The following HEPH variants were observed in gnomAD, a reference collection of about 807,000 sequenced individuals.
The protein encoded by HEPH is hephaestin.
A neutral mutation model predicts 80.8 loss-of-function variants in HEPH; 69 were observed. The ratio of observed to expected loss-of-function variants is 0.85; its 90% CI spans 0.70 to 1.04. The LOEUF (loss-of-function observed/expected upper bound fraction) is 1.04, where lower values mean the gene tolerates loss of function less well. HEPH is among the 50% of genes least tolerant of loss of function. The pLI is 0.00. For synonymous variants in HEPH, 431 were observed against 322.8 expected, an observed-to-expected ratio of 1.34 and a Z score of -3.60; for missense variants, 1,115 against 891.3, an observed-to-expected ratio of 1.25 and a Z score of -3.20.
chrX:66,167,841 G>A (rs775197220), intron 1 of HEPH, among the ~76,000 whole-genome samples: 1 of 111,911 alleles, frequency 8.9e-6, no homozygotes, highest in Non-Finnish European at 1.9e-5. Flanking sequence ...TTTTATAGAT[G>A]GGAAAAATGA....
chrX:66,169,603 T>C (rs941296293), intron 1 of HEPH, among the ~76,000 whole-genome samples: 2 of 112,554 alleles, frequency 1.8e-5, no homozygotes, highest in African/African-American at 6.4e-5. Context: ...ACATTTCTTC[T>C]GAGAAGTTCA....
intron 15 of HEPH, among the ~76,000 whole-genome samples, chrX:66,237,058 A>G (rs1209299716): frequency 1.8e-5 from 2 of 111,321 alleles, no homozygotes; most frequent in Admixed American, 9.6e-5. Context: ...GTTACTTCAA[A>G]AAACAAACCC....
chrX:66,212,530 A>G (rs922759499), intron 15 of HEPH, among the ~76,000 whole-genome samples: 1 of 111,799 alleles, frequency 8.9e-6, no homozygotes, highest in African/African-American at 3.3e-5. Context: ...ATTCTTCTGC[A>G]TGTGGCTGTG....
intron 9 of HEPH, among the ~76,000 whole-genome samples, chrX:66,196,308 A>T (rs2088092975): frequency 9.0e-6 from 1 of 111,244 alleles, no homozygotes; most frequent in African/African-American, 3.3e-5. Flanking sequence ...ATATACACAT[A>T]GAGTAGATAA....
upstream of HEPH, among the ~76,000 whole-genome samples, chrX:66,163,680 T>C (rs1175272004): frequency 1.8e-5 from 2 of 111,209 alleles, no homozygotes; most frequent in Non-Finnish European, 3.8e-5. Flanking sequence ...TGGTTAAAAG[T>C]TTAGACAGAC....
In HEPH at chrX:66,197,731, A is replaced by T. The variant is rs1260466316; in HGVS notation, c.1550A>T (p.Tyr517Phe). ...LVAKPFEKVT[Y>F]RWTVPPHAGP... Reference sequence around the variant, plus strand: ...GCCAAGCCCTTTGAGAAAGTAACATACCGCTGGACAGTCCCCCCTCATGCC... The same window carrying T: ...GCCAAGCCCTTTGAGAAAGTAACATTCCGCTGGACAGTCCCCCCTCATGCC... Residue 517 changes from tyrosine (Y) to phenylalanine (F), a missense_variant, in exon 10 of 21, where the codon TAC (tyrosine) becomes TTC (phenylalanine). Transcript: ENST00000343002. 1 of 1,211,566 alleles carries T rather than the reference A, an allele frequency of 8.3e-7. No individual in the cohort carries two copies. The highest frequency in any genetic ancestry group is 1.1e-6 in the Non-Finnish European group (1 of 895,389).
At chrX:66,238,951 C>T (rs909689772) in intron 15 of HEPH, among the ~76,000 whole-genome samples, 12 of 112,472 alleles carry the variant, frequency 1.1e-4, no homozygotes, top group Non-Finnish European at 2.1e-4. Flanking sequence ...AGGCACAGAT[C>T]GCTCATGCTA....
intron 17 of HEPH, among the ~76,000 whole-genome samples, chrX:66,258,430 A>T (rs2091250929): frequency 9.0e-6 from 1 of 111,731 alleles, no homozygotes; most frequent in African/African-American, 3.3e-5. Context: ...CACAAAGAAC[A>T]TGCATGGACC....
chrX:66,178,561 A>G (rs2086928278), intron 4 of HEPH, among the ~76,000 whole-genome samples: 1 of 112,264 alleles, frequency 8.9e-6, no homozygotes, highest in African/African-American at 3.2e-5. Flanking sequence ...AGTCCCACCA[A>G]CAGTGTAAGA....
At chrX:66,187,841 T>A (rs890319758) in intron 4 of HEPH, among the ~76,000 whole-genome samples, 2 of 112,269 alleles carry the variant, frequency 1.8e-5, no homozygotes, top group African/African-American at 6.5e-5. Flanking sequence ...GAACCTTTTT[T>A]AAAATTATTG....
At chrX:66,171,017 C>A (rs1014799560) in intron 2 of HEPH, 13 of 306,600 alleles carry the variant, frequency 4.2e-5, no homozygotes, top group Admixed American at 2.9e-4. Context: ...TATTTAATAA[C>A]AACTGTTTGA....
rs780866743 is a variant in HEPH at position 66,214,758 on chromosome X, A to C, written c.2563+6512A>C. Among the ~76,000 whole-genome samples, 7 of 110,400 alleles carry C rather than the reference A, an allele frequency of 6.3e-5. No homozygotes were observed. In the South Asian group the frequency reaches 1.9e-3, roughly 30 times the overall value. ...TTAATAACATCTTCTAAACCATTCA[A>C]CTTTCCCCCCTTTGAGTTGCTTTGC... On this transcript the variant is annotated intron_variant, in intron 15 of 20. Transcript: ENST00000343002.
At chrX:66,255,717 A>C (rs915839703) in intron 16 of HEPH, among the ~76,000 whole-genome samples, 3 of 111,537 alleles carry the variant, frequency 2.7e-5, no homozygotes, top group Non-Finnish European at 5.6e-5. Context: ...TGGAGAAGGC[A>C]TCACAATGGG....
rs751310749 is a variant in HEPH at position 66,193,657 on chromosome X, A to T, written c.1369+19A>T. 8.7e-7 allele frequency: 1 copy of T among 1,151,487 alleles called. No individual in the cohort carries two copies. Among genetic ancestry groups the T allele is most frequent in the East Asian group, 3.0e-5 (1 of 32,986 alleles). 94.9% of individuals were successfully genotyped at this position (1,151,487 alleles called of 1,213,427 possible). Reference sequence around the variant, plus strand: ...ATCCTGGGTGAGGAATTTTTAAATTATGAAATTCATTTACTAGAGCCAGAG... The same window carrying T: ...ATCCTGGGTGAGGAATTTTTAAATTTTGAAATTCATTTACTAGAGCCAGAG... On this transcript the variant is annotated intron_variant, in intron 8 of 20. Coordinates refer to ENST00000343002, the MANE Select transcript of HEPH (RefSeq NM_001367233.3).
At chrX:66,237,068 C>A (rs749724745) in intron 15 of HEPH, among the ~76,000 whole-genome samples, 1 of 110,679 alleles carries the variant, frequency 9.0e-6, no homozygotes, top group South Asian at 3.8e-4. Context: ...AAAACAAACC[C>A]CTGGATTCAT....
chrX:66,241,380 A>G (rs1177142220), intron 15 of HEPH, among the ~76,000 whole-genome samples: 1 of 111,846 alleles, frequency 8.9e-6, no homozygotes, highest in African/African-American at 3.2e-5. Context: ...ACATGCAATG[A>G]CACCCATAGG....
chrX:66,263,946 G>C (rs1008315792), intron 20 of HEPH, among the ~76,000 whole-genome samples: 3 of 110,860 alleles, frequency 2.7e-5, no homozygotes, highest in Non-Finnish European at 5.7e-5. Flanking sequence ...AAAGGCTGCT[G>C]TCTTAGCCTC....
In HEPH at chrX:66,255,113, T is replaced by C; in HGVS notation, c.2642T>C (p.Ile881Thr). 1.7e-6 allele frequency: 2 copies of C among 1,204,440 alleles called. No individual in the cohort carries two copies. The highest frequency in any genetic ancestry group is 1.8e-5 in the South Asian group (1 of 56,171). Residue 881 changes from isoleucine (I) to threonine (T), a missense_variant, in exon 16 of 21, where the codon ATC becomes ACC. Around this residue, in one of 3 missense-constraint regions of HEPH, gnomAD observed 716 missense variants for 523.5 expected, o/e 1.37. Coordinates refer to ENST00000343002, the MANE Select transcript of HEPH (RefSeq NM_001367233.3). ...AATGACTCTGCTTGTGTTTCCTGGA[T>C]CTATTATTCTGCAGTGGATCCCATC... ...GPNDSACVSW[I>T]YYSAVDPIKD...
At chrX:66,191,642 T>C (rs776000257) in intron 6 of HEPH, among the ~76,000 whole-genome samples, 1 of 112,297 alleles carries the variant, frequency 8.9e-6, no homozygotes, top group African/African-American at 3.2e-5. Flanking sequence ...TGATAGAAGA[T>C]GTTCTATTAT....
Sources: allele counts gnomAD v4.1 joint callset (sites outside exome capture counted in the v4.1 genomes callset), GRCh38; gene constraint gnomAD v4.1.1; regional missense constraint gnomAD v4.1.1; transcripts MANE v1.5; gene names NCBI Gene and HGNC (gene_info 2026-07-23, HGNC 2026-07-21).